Variants in RSRC2 observed in about 807,000 individuals in gnomAD.
RSRC2 encodes the protein arginine and serine rich coiled-coil 2, also known as arginine/serine-rich coiled-coil protein 2.
RSRC2 carries 5 observed loss-of-function variants against 61.3 expected under a neutral mutation model. The observed-to-expected ratio is 0.08, with a 90% CI of 0.04 to 0.17. The LOEUF (loss-of-function observed/expected upper bound fraction) is 0.17, where lower values mean the gene tolerates loss of function less well. Ranked by LOEUF, RSRC2 falls within the 10% of genes least tolerant of loss-of-function variation. The pLI is 1.00. For synonymous variants in RSRC2, 202 were observed against 166.5 expected, an observed-to-expected ratio of 1.21 and a Z score of -1.64; for missense variants, 381 against 518.8, an observed-to-expected ratio of 0.73 and a Z score of 2.58.
chr12:122,526,909 C>G lies in RSRC2; in HGVS notation c.-56G>C. On this transcript the variant is annotated 5_prime_UTR_variant, in exon 1 of 10. Transcript: ENST00000331738. ...CTCCACTTGTCGCTTTCAACAGTAC[C>G]GGCCGCTCCGAAGCTTCGCCTCAGA... 6.2e-7 allele frequency: 1 copy of G among 1,607,970 alleles called. No homozygotes were observed. Among genetic ancestry groups the G allele is most frequent in the Non-Finnish European group, 8.5e-7 (1 of 1,174,532 alleles).
chr12:122,505,727 ATT>A, intron 9 of RSRC2, 21 bp from the exon 10 acceptor site: 20 of 1,584,534 alleles, frequency 1.3e-5, no homozygotes, highest in Non-Finnish European at 1.6e-5. Flanking sequence ...GACATAAAAC[ATT>A]ACAATGAATT....
intron 7 of RSRC2, among the ~76,000 whole-genome samples, chr12:122,509,488 AAAC>A (rs1403356053): frequency 6.6e-6 from 1 of 151,928 alleles, no homozygotes; most frequent in Admixed American, 6.6e-5. Context: ...AAAAACCCAA[AAAC>A]AACAACAGTA....
At chr12:122,521,656 G>A (rs147838815) in intron 2 of RSRC2, among the ~76,000 whole-genome samples, 2 of 152,158 alleles carry the variant, frequency 1.3e-5, no homozygotes, top group Middle Eastern at 3.4e-3. Flanking sequence ...TCTTTTAAAC[G>A]GTCATAGACT....
chr12:122,521,585 C>T (rs919701494), intron 2 of RSRC2, among the ~76,000 whole-genome samples, 157 bp from the exon 3 acceptor site: 4 of 152,150 alleles, frequency 2.6e-5, no homozygotes, highest in African/African-American at 9.7e-5. Context: ...ATTAATACAA[C>T]ACACATGTGA....
At position 122,522,250 on chromosome 12, in the gene RSRC2, T is replaced by G. The variant is rs956407496; in HGVS notation, c.56A>C (p.Asp19Ala). 1 of 1,613,832 alleles carries G rather than the reference T, an allele frequency of 6.2e-7. No homozygotes were observed. The highest frequency in any genetic ancestry group is 8.5e-7 in the Non-Finnish European group (1 of 1,179,956). The stretch of plus-strand genomic sequence containing the variant: ...TGACTGCTCTTTTTTCTTATCTCTA[T>G]CTGGTGATGTCTTTTCTGGGGCTAG... ...DGLAPEKTSPDRDKKKEQSEV... is the reference protein window; with the variant it reads ...DGLAPEKTSPARDKKKEQSEV... Residue 19 changes from aspartate to alanine, a missense_variant, in exon 2 of 10, where the codon GAT becomes GCT. Transcript: ENST00000331738.
Position 122,505,108 on chromosome 12 carries a change from T to C in RSRC2, c.*419A>G, listed in dbSNP as rs916200297. On this transcript the variant is annotated 3_prime_UTR_variant, in exon 10 of 10. Transcript: ENST00000331738. ...ACCACCCAGCTTATCTGTGCTGGATTATGTACCAAATGGCCAGATCTTCTA... is the reference window on the plus strand; with the variant it reads ...ACCACCCAGCTTATCTGTGCTGGATCATGTACCAAATGGCCAGATCTTCTA... 6.4e-6 allele frequency: 1 copy of C among 155,066 alleles called. No homozygotes were observed. Among genetic ancestry groups the C allele is most frequent in the Non-Finnish European group, 1.4e-5 (1 of 69,838 alleles). The allele number at this position is 155,066 out of a possible 1,614,324, so 9.6% of individuals were successfully genotyped here. A position where few individuals can be genotyped will look rare whatever the true frequency, so the allele number is the denominator to read the frequency against.
rs1483084057 is a variant in RSRC2 at position 122,517,267 on chromosome 12, G to A, written c.562C>T (p.His188Tyr). The change falls in exon 5 of 10, where the codon CAT becomes TAT. Residue 188 changes from histidine to tyrosine, a missense_variant. Transcript: ENST00000331738. ...SRSRSRSRHR[H>Y]RTRSRSRTRS... ...GTCCTACTCCTGCTTCTAGTCCTAT[G>A]CCTGTGTCTTGATCTTGAGCGGGAA... 2 of 1,614,006 alleles carry A rather than the reference G, an allele frequency of 1.2e-6. No homozygotes were observed. The highest frequency in any genetic ancestry group is 1.7e-5 in the Admixed American group (1 of 60,004).
rs1219106204 is a variant in RSRC2 at position 122,517,209 on chromosome 12, AG to A, written c.602+17del. ...CTGAGGGTCCTATTAAATTTTATTC[AG>A]GATGATGGTCACCTACCGACTCCTA... On this transcript the variant is annotated intron_variant, in intron 5 of 9. Coordinates refer to ENST00000331738, the MANE Select transcript of RSRC2 (RefSeq NM_023012.6). The A allele has an allele frequency of 1.2e-6, 2 of 1,613,822 alleles. No homozygotes were observed. Among genetic ancestry groups the A allele is most frequent in the Non-Finnish European group, 1.7e-6 (2 of 1,179,800 alleles).
intron 1 of RSRC2, among the ~76,000 whole-genome samples, chr12:122,525,171 C>G (rs1167052461): frequency 6.6e-6 from 1 of 151,994 alleles, no homozygotes; most frequent in Non-Finnish European, 1.5e-5. Flanking sequence ...GTCAGGAGTT[C>G]GAGACCAGCC....
Position 122,519,048 on chromosome 12 carries a change from G to T in RSRC2, c.208-19C>A. 4 of 1,607,544 alleles carry T rather than the reference G, an allele frequency of 2.5e-6. No individual in the cohort carries two copies. The highest frequency in any genetic ancestry group is 3.4e-6 in the Non-Finnish European group (4 of 1,176,126). On this transcript the variant is annotated intron_variant, in intron 3 of 9. Transcript: ENST00000331738. Reference sequence around the variant, plus strand: ...TTCTTCCCTGTTTTAAGAAGAAGTTGGTTCTTTCAGGAAAATAGTGCAACA... The same window carrying T: ...TTCTTCCCTGTTTTAAGAAGAAGTTTGTTCTTTCAGGAAAATAGTGCAACA...
At chr12:122,523,587 T>C (rs1010604483) in intron 1 of RSRC2, 2 of 152,212 alleles carry the variant, frequency 1.3e-5, no homozygotes, top group African/African-American at 4.8e-5. Flanking sequence ...TTTTCACGTA[T>C]AACATCAAAC....
At chr12:122,523,945 T>C (rs1240354681) in intron 1 of RSRC2, among the ~76,000 whole-genome samples, 2 of 152,226 alleles carry the variant, frequency 1.3e-5, no homozygotes, top group East Asian at 1.9e-4. Context: ...TTACGTGTTA[T>C]TCCTCTAACA....
intron 3 of RSRC2, 144 bp from the exon 4 acceptor site, chr12:122,519,173 C>T (rs770571976): frequency 1.4e-5 from 9 of 633,274 alleles, no homozygotes; most frequent in Non-Finnish European, 2.2e-5. Context: ...AGTTTCACAT[C>T]ACCCAAATGT....
At chr12:122,526,194 T>G (rs1238759409) in intron 1 of RSRC2, 1 of 152,324 alleles carries the variant, frequency 6.6e-6, no homozygotes, top group Non-Finnish European at 1.5e-5. Flanking sequence ...GACTTCAAAT[T>G]GATTACATCA....
At chr12:122,506,671 A>G (rs943871904) in intron 9 of RSRC2, 163 bp downstream of exon 9, 1 of 609,208 alleles carries the variant, frequency 1.6e-6, no homozygotes, top group African/African-American at 1.8e-5. Flanking sequence ...GGGGAGATGG[A>G]AATGTTTCAG....
Position 122,525,801 on chromosome 12 carries a change from GTTTTTTTTTTTTTTTTTTTTTTTT to G in RSRC2, c.6+1023_6+1046del, listed in dbSNP as rs1169838098. On this transcript the variant is annotated intron_variant, in intron 1 of 9. Transcript: ENST00000331738. Reference sequence around the variant, plus strand: ...GTAGCTCCTCTGGGGTCAACGAAGAGTTTTTTTTTTTTTTTTTTTTTTTTTTTTTTTTTTTTTTGAGACGGAGTC... The same window carrying G: ...GTAGCTCCTCTGGGGTCAACGAAGAGTTTTTTTTTTTTTTGAGACGGAGTC... Among the ~76,000 whole-genome samples, 4 of 21,498 alleles carry G rather than the reference GTTTTTTTTTTTTTTTTTTTTTTTT, an allele frequency of 1.9e-4. 1 individual carries two copies. Among genetic ancestry groups the G allele is most frequent in the African/African-American group, 1.1e-3 (3 of 2,694 alleles). 14.1% of individuals were successfully genotyped at this position (21,498 alleles called of 152,430 possible). A position where few individuals can be genotyped will look rare whatever the true frequency, so the allele number is the denominator to read the frequency against.
chr12:122,513,807 T>A (rs1165256645), intron 6 of RSRC2: 1 of 985,198 alleles, frequency 1.0e-6, no homozygotes, highest in Non-Finnish European at 1.2e-6. Flanking sequence ...TCAGGCTGGG[T>A]TCCCAGGGAA....
chr12:122,522,393 C>T, intron 1 of RSRC2, 94 bp from the exon 2 acceptor site: 1 of 1,169,376 alleles, frequency 8.6e-7, no homozygotes, highest in Non-Finnish European at 1.2e-6. Context: ...AAGATAGCCC[C>T]CCACAATCAA....
intron 9 of RSRC2, chr12:122,506,275 C>T (rs1958110371): frequency 6.6e-6 from 1 of 152,560 alleles, no homozygotes; most frequent in African/African-American, 2.4e-5. Context: ...TGTATTTGAT[C>T]TCAATAACTT....
Sources: gnomAD v4.1 joint callset for allele counts (sites outside exome capture counted in the v4.1 genomes callset) on GRCh38, gnomAD v4.1.1 for gene constraint, MANE v1.5 for transcripts, NCBI Gene and HGNC (gene_info 2026-07-23, HGNC 2026-07-21) for gene names.